The following NR1D1 variants were observed in gnomAD, a reference collection of about 807,000 sequenced individuals.
NR1D1 encodes nuclear receptor subfamily 1 group D member 1, also known as Rev-ErbAalpha.
A neutral mutation model predicts 51.1 loss-of-function variants in NR1D1; 17 were observed. The observed-to-expected ratio is 0.33, with a 90% CI of 0.23 to 0.50. The LOEUF is 0.50. NR1D1 is among the 20% of genes least tolerant of loss of function. The probability of loss-of-function intolerance (pLI) is 0.98; values close to 1 mark genes in which losing one functional copy is unlikely to be tolerated. For missense variants in NR1D1, 647 were observed against 830.4 expected, an observed-to-expected ratio of 0.78 and a Z score of 2.71; for synonymous variants, 341 against 333.4, an observed-to-expected ratio of 1.02 and a Z score of -0.25.
chr17:40,098,926 T>C (rs999323172), intron 1 of NR1D1, among the ~76,000 whole-genome samples: 7 of 151,792 alleles, frequency 4.6e-5, no homozygotes, highest in Admixed American at 1.3e-4. Context: ...AGAAGGGTGG[T>C]TAGGGGTGAG....
chr17:40,094,355 C>T lies in NR1D1; in HGVS notation c.1435-233G>A, dbSNP rs533541994. Among the ~76,000 whole-genome samples, 59 of 152,262 alleles carry T rather than the reference C, an allele frequency of 3.9e-4. 1 individual carries two copies. Among genetic ancestry groups the T allele is most frequent in the African/African-American group, 1.4e-3 (57 of 41,540 alleles). On this transcript the variant is annotated intron_variant, in intron 6 of 7. Transcript: ENST00000246672. ...CCTGTGACCTTGGGCAAGGCATTCA[C>T]CAAAGTTAATCTGCTCTTGTCTAGA...
At chr17:40,097,498 T>G in intron 1 of NR1D1, 95 bp from the exon 2 acceptor site, 2 of 945,824 alleles carry the variant, frequency 2.1e-6, no homozygotes, top group South Asian at 2.9e-5. Context: ...CCCAAAACAT[T>G]GCTGGCCACT....
intron 5 of NR1D1, 23 bp from the exon 6 acceptor site, chr17:40,095,143 G>C (rs1987725362): frequency 6.2e-7 from 1 of 1,603,762 alleles, no homozygotes; most frequent in East Asian, 2.2e-5. Flanking sequence ...AAGATTGAAG[G>C]AGGGGAGTGT....
intron 4 of NR1D1, 138 bp downstream of exon 4, chr17:40,096,305 G>T (rs1987761511): frequency 7.4e-7 from 1 of 1,347,014 alleles, no homozygotes; most frequent in Non-Finnish European, 1.0e-6. Context: ...GTTGACCCAA[G>T]CAAATGAAGG....
In NR1D1 at chr17:40,097,174, C is replaced by T. The variant is rs141021161; in HGVS notation, c.261G>A (p.Ser87=). Residue 87 remains serine (S), a synonymous_variant, in exon 2 of 8, where the codon TCG becomes TCA. Transcript: ENST00000246672. ...DDGSPSSSSS[S]SSSSSSFYNG... ...TATAGAAGGAGGAGGAGGATGACGA[C>T]GAGGAAGATGAGGAAGAAGGGGAGC... The T allele has an allele frequency of 1.5e-4, 240 of 1,611,384 alleles. 1 individual carries two copies. The African/African-American group carries it at 2.5e-3, about 17-fold the overall frequency.
At position 40,093,327 on chromosome 17, in the gene NR1D1, C is replaced by G. The variant is rs201804855; in HGVS notation, c.1646-45G>C. The G allele has an allele frequency of 9.9e-6, 16 of 1,613,286 alleles. No individual in the cohort carries two copies. The Admixed American group carries it at 2.3e-4, about 24-fold the overall frequency. On this transcript the variant is annotated intron_variant, in intron 7 of 7. Coordinates refer to ENST00000246672, the MANE Select transcript of NR1D1 (RefSeq NM_021724.5). This position sits in a 1 kb window ranked among gnomAD's most constrained non-coding sequence, Gnocchi z 5.9. ...AGTGAGGCGGACTCCCCGAGCTCCTCTGAGGAGGAACCGGAGGTCTGCGAG... is the reference window on the plus strand; with the variant it reads ...AGTGAGGCGGACTCCCCGAGCTCCTGTGAGGAGGAACCGGAGGTCTGCGAG...
intron 1 of NR1D1, among the ~76,000 whole-genome samples, chr17:40,098,964 G>A (rs985575679): frequency 3.3e-5 from 5 of 151,928 alleles, no homozygotes; most frequent in Non-Finnish European, 5.9e-5. Flanking sequence ...AAAACAGAAG[G>A]CCATGAAAGG....
Position 40,093,465 on chromosome 17 carries a change from A to T in NR1D1, c.1646-183T>A. 6.7e-7 allele frequency: 1 copy of T among 1,497,206 alleles called. No homozygotes were observed. The allele number at this position is 1,497,206 out of a possible 1,614,324, so 92.7% of individuals were successfully genotyped here. ...CTGCCCCAAGAGCAGGAGGTGCCTG[A>T]AAGCTGGGAGCGTGGGCTCAGCAGG... On this transcript the variant is annotated intron_variant, in intron 7 of 7. Coordinates refer to ENST00000246672, the MANE Select transcript of NR1D1 (RefSeq NM_021724.5). This position sits in a 1 kb window ranked among gnomAD's most constrained non-coding sequence, Gnocchi z 5.9.
Position 40,093,286 on chromosome 17 carries a change from T to C in NR1D1, c.1646-4A>G. 1 of 1,613,534 alleles carries C rather than the reference T, an allele frequency of 6.2e-7. No homozygotes were observed. Among genetic ancestry groups the C allele is most frequent in the Non-Finnish European group, 8.5e-7 (1 of 1,180,004 alleles). ...GAATTCTCCATGCCCGAGCGGTCTG[T>C]GGGGAAGACGACAGCAGTGAGGCGG... On this transcript the variant is annotated splice_polypyrimidine_tract_variant and splice_region_variant and intron_variant, in intron 7 of 7. Coordinates refer to ENST00000246672, the MANE Select transcript of NR1D1 (RefSeq NM_021724.5). The surrounding 1 kb of genome is among the most constrained non-coding windows in gnomAD (Gnocchi z 5.9).
intron 2 of NR1D1, 59 bp from the exon 3 acceptor site, chr17:40,096,838 T>C: frequency 2.6e-6 from 4 of 1,542,474 alleles, no homozygotes; most frequent in Non-Finnish European, 3.6e-6. Context: ...GCCACAGGTG[T>C]GGAGGCTTTC....
At chr17:40,096,869 G>A (rs1370970140) in intron 2 of NR1D1, 90 bp from the exon 3 acceptor site, 13 of 1,402,796 alleles carry the variant, frequency 9.3e-6, no homozygotes, top group Admixed American at 1.7e-5. Flanking sequence ...ATCCAGGGAG[G>A]GAAAAGCTAA....
In NR1D1 at chr17:40,093,990, A is replaced by G. The variant is rs930378478; in HGVS notation, c.1567T>C (p.Phe523Leu). Reference sequence around the variant, plus strand: ...GCCAGGGAGTTGAGCTTCTCGCTGAAGTCGAACATGGCACTGAGCAGGTCT... The same window carrying G: ...GCCAGGGAGTTGAGCTTCTCGCTGAGGTCGAACATGGCACTGAGCAGGTCT... ...MGDLLSAMFD[F>L]SEKLNSLALT... The change falls in exon 7 of 8, where the codon TTC becomes CTC. Residue 523 changes from phenylalanine to leucine, a missense_variant. Phe to Leu is a conservative substitution (Grantham distance 22, BLOSUM62 0). Around this residue, in one of 7 missense-constraint regions of NR1D1, gnomAD observed 155 missense variants for 236.8 expected, o/e 0.65. Transcript: ENST00000246672. This position sits in a 1 kb window ranked among gnomAD's most constrained non-coding sequence, Gnocchi z 5.9. 10 of 1,614,018 alleles carry G rather than the reference A, an allele frequency of 6.2e-6. No homozygotes were observed. The highest frequency in any genetic ancestry group is 8.5e-6 in the Non-Finnish European group (10 of 1,180,014).
At chr17:40,099,445 G>C (rs375447723) in intron 1 of NR1D1, among the ~76,000 whole-genome samples, 3 of 152,020 alleles carry the variant, frequency 2.0e-5, no homozygotes, top group East Asian at 1.9e-4. Context: ...GCAGCACGTG[G>C]GCCCGGCTCT....
intron 1 of NR1D1, among the ~76,000 whole-genome samples, chr17:40,098,961 A>G (rs1987817913): frequency 6.6e-6 from 1 of 152,110 alleles, no homozygotes. Context: ...TGTAAAACAG[A>G]AGGCCATGAA....
chr17:40,096,504 A>G lies in NR1D1; in HGVS notation c.543T>C (p.Asn181=). 1 of 1,614,216 alleles carries G rather than the reference A, an allele frequency of 6.2e-7. No homozygotes were observed. The highest frequency in any genetic ancestry group is 8.5e-7 in the Non-Finnish European group (1 of 1,180,026). Residue 181 remains asparagine (N), a synonymous_variant, in exon 4 of 8, where the codon AAT becomes AAC. Transcript: ENST00000246672. ...KNENCSIVRI[N]RNRCQQCRFK... is the part of the protein sequence containing the mutation. ...AGCGACATTGCTGGCAGCGGTTGCGATTGATGCGGACGATGGAGCAATTCT... is the reference window on the plus strand; with the variant it reads ...AGCGACATTGCTGGCAGCGGTTGCGGTTGATGCGGACGATGGAGCAATTCT...
At chr17:40,099,547 C>G (rs1987835139) in intron 1 of NR1D1, among the ~76,000 whole-genome samples, 1 of 152,164 alleles carries the variant, frequency 6.6e-6, no homozygotes, top group South Asian at 2.1e-4. Flanking sequence ...GTGTCGCTCC[C>G]TCCTGTCACT....
rs1567659779 is a variant in NR1D1 at position 40,095,483 on chromosome 17, G to C, written c.1209C>G (p.Ala403=). The change falls in exon 5 of 8, where the codon GCC becomes GCG. Residue 403 remains alanine (A), a synonymous_variant. Transcript: ENST00000246672. ...TTGAGTTGCCCTGCCGGGGACTGTT[G>C]GCAGGTGCCTTGCCTTCTGGGGCTG... ...VYAAPEGKAP[A]NSPRQGNSKN... The C allele has an allele frequency of 6.5e-7, 1 of 1,548,268 alleles. No individual in the cohort carries two copies. The highest frequency in any genetic ancestry group is 8.7e-7 in the Non-Finnish European group (1 of 1,146,380).
chr17:40,100,325 A>G lies in NR1D1; in HGVS notation c.-231T>C, dbSNP rs144471234. On this transcript the variant is annotated 5_prime_UTR_variant, in exon 1 of 8. Transcript: ENST00000246672. ...TCTGCTTTGCATGGGAAGAGCAGAGAGAGTGTGTAGGGGGAATCAGCCTGC... is the reference window on the plus strand; with the variant it reads ...TCTGCTTTGCATGGGAAGAGCAGAGGGAGTGTGTAGGGGGAATCAGCCTGC... The G allele has an allele frequency of 6.5e-4, 398 of 616,510 alleles. 4 individuals carry two copies. In the East Asian group the frequency reaches 0.011, roughly 17 times the overall value. The allele number at this position is 616,510 out of a possible 1,614,324, so 38.2% of individuals were successfully genotyped here.
intron 1 of NR1D1, among the ~76,000 whole-genome samples, chr17:40,097,882 G>A (rs956623123): frequency 6.6e-6 from 1 of 152,176 alleles, no homozygotes; most frequent in African/African-American, 2.4e-5. Context: ...TAAAGAGAAT[G>A]GAGGGTTTAC....
Sources: allele counts gnomAD v4.1 joint callset (sites outside exome capture counted in the v4.1 genomes callset), GRCh38; gene constraint gnomAD v4.1.1; regional missense constraint gnomAD v4.1.1; non-coding constraint Gnocchi (gnomAD v3.1); transcripts MANE v1.5; gene names NCBI Gene and HGNC (gene_info 2026-07-23, HGNC 2026-07-21).